The following ACCS variants were observed in gnomAD, a reference collection of about 807,000 sequenced individuals.
ACCS encodes 1-aminocyclopropane-1-carboxylate synthase homolog (inactive).
Under a neutral mutation model 59.8 loss-of-function variants are expected in ACCS, and 42 were observed. The observed-to-expected ratio is 0.70, with a 90% CI of 0.55 to 0.91. The LOEUF (loss-of-function observed/expected upper bound fraction) is 0.91. ACCS is among the 40% of genes least tolerant of loss of function. The pLI, the probability that ACCS is intolerant of heterozygous loss-of-function variation, is 0.00. For missense variants in ACCS, 602 were observed against 630.4 expected, an observed-to-expected ratio of 0.95 and a Z score of 0.48; for synonymous variants, 230 against 240.3, an observed-to-expected ratio of 0.96 and a Z score of 0.40.
chr11:44,080,851 C>T (rs891130441), intron 10 of ACCS, 169 bp from the exon 11 acceptor site: 1 of 763,334 alleles, frequency 1.3e-6, no homozygotes, highest in Non-Finnish European at 2.1e-6. Flanking sequence ...CATTTGCTAA[C>T]CCCTGCTCTA....
At chr11:44,068,010 T>C (rs575554327) in intron 2 of ACCS, 95 bp downstream of exon 2, 73 of 1,386,406 alleles carry the variant, frequency 5.3e-5, no homozygotes, top group South Asian at 3.0e-5. Flanking sequence ...CCTGCTCTTA[T>C]GAGGTTGGAG....
Position 44,083,766 on chromosome 11 carries a change from C to G in ACCS, c.1480C>G (p.Gln494Glu). The G allele has an allele frequency of 6.2e-7, 1 of 1,613,636 alleles. No homozygotes were observed. Among genetic ancestry groups the G allele is most frequent in the Non-Finnish European group, 8.5e-7 (1 of 1,179,760 alleles). Residue 494 changes from glutamine to glutamate, a missense_variant, in exon 15 of 15, where the codon CAG becomes GAG. Physicochemically the swap from Gln to Glu is conservative, Grantham distance 29. Coordinates refer to ENST00000263776, the MANE Select transcript of ACCS (RefSeq NM_032592.4). ...AGAAGACCCCCGTCCCTCTCAGAGC[C>G]AGGAGCCAAGTGACCAACGCAGGTG... is the stretch of plus-strand genomic sequence containing the variant. ...VAEDPRPSQSQEPSDQRR is the reference protein window; with the variant it reads ...VAEDPRPSQSEEPSDQRR
chr11:44,073,449 G>A lies in ACCS; in HGVS notation c.351G>A (p.Leu117=). 6.2e-7 allele frequency: 1 copy of A among 1,606,478 alleles called. No homozygotes were observed. The highest frequency in any genetic ancestry group is 8.5e-7 in the Non-Finnish European group (1 of 1,177,004). The change falls in exon 4 of 15, where the codon CTG becomes CTA. Residue 117 remains leucine, a splice_region_variant and synonymous_variant. Transcript: ENST00000263776. ...KLCFDLLSWR[L]SQRDMQRVEP... ...TGCTCTTCCCTCTCTGTCCCCAGCT[G>A]AGTCAGCGCGACATGCAGAGGGTGG...
intron 8 of ACCS, 80 bp from the exon 9 acceptor site, chr11:44,078,604 C>T: frequency 7.9e-7 from 1 of 1,268,942 alleles, no homozygotes; most frequent in South Asian, 1.3e-5. Context: ...GGGAGCCTTC[C>T]AGCGATCAGC....
At chr11:44,077,197 G>T in intron 6 of ACCS, 82 bp from the exon 7 acceptor site, 1 of 1,455,476 alleles carries the variant, frequency 6.9e-7, no homozygotes, top group South Asian at 1.3e-5. Context: ...TAAAGGCTTG[G>T]AGAGGGACTG....
rs1953604673 is a variant in ACCS at position 44,080,840 on chromosome 11, T to A, written c.924-180T>A. 9 of 691,490 alleles carry A rather than the reference T, an allele frequency of 1.3e-5. No homozygotes were observed. In the East Asian group the frequency reaches 2.2e-4, roughly 17 times the overall value. 42.8% of individuals were successfully genotyped at this position (691,490 alleles called of 1,614,324 possible). A position where few individuals can be genotyped will look rare whatever the true frequency, so the allele number is the denominator to read the frequency against. ...CAGGCTATGTTTGGCCCGCGGGCTGTCATTTGCTAACCCCTGCTCTAAAGG... is the reference window on the plus strand; with the variant it reads ...CAGGCTATGTTTGGCCCGCGGGCTGACATTTGCTAACCCCTGCTCTAAAGG... On this transcript the variant is annotated intron_variant, in intron 10 of 14. Coordinates refer to ENST00000263776, the MANE Select transcript of ACCS (RefSeq NM_032592.4).
rs1438586474 is a variant in ACCS, at chr11:44,066,471, G to T, written c.-231G>T. 6.6e-6 allele frequency: 1 copy of T among 152,338 alleles called. No individual in the cohort carries two copies. Among genetic ancestry groups the T allele is most frequent in the East Asian group, 1.9e-4 (1 of 5,198 alleles). 9.4% of individuals were successfully genotyped at this position (152,338 alleles called of 1,614,324 possible). The stretch of plus-strand genomic sequence containing the variant: ...AACCTGGAGCCGTCTCTCGCGAGAC[G>T]TCCTCCGCCCTGTAGAAGGCCGTTT... On this transcript the variant is annotated 5_prime_UTR_variant, in exon 1 of 15. Coordinates refer to ENST00000263776, the MANE Select transcript of ACCS (RefSeq NM_032592.4).
rs142730357 is a variant in ACCS, at chr11:44,083,121, T to C, written c.1112-48T>C. 6.7e-3 allele frequency: 10,693 copies of C among 1,595,526 alleles called. 101 individuals carry two copies. The highest frequency in any genetic ancestry group is 0.041 in the East Asian group (1,830 of 44,106). On this transcript the variant is annotated intron_variant, in intron 12 of 14. Transcript: ENST00000263776. ...CAGCATTTAGACTAGTGGGACCAAG[T>C]AGAGGGTTGATGGGATATTGATCTT...
intron 2 of ACCS, among the ~76,000 whole-genome samples, chr11:44,068,778 C>A (rs1952908308): frequency 4.6e-5 from 7 of 152,184 alleles, no homozygotes; most frequent in Admixed American, 4.6e-4. Flanking sequence ...CTCATAATGC[C>A]TTCAGAAGTC....
chr11:44,075,694 C>G, intron 6 of ACCS, 102 bp downstream of exon 6: 2 of 1,382,048 alleles, frequency 1.4e-6, no homozygotes, highest in Non-Finnish European at 2.0e-6. Context: ...CTTTCGGGCA[C>G]AATAGAATAT....
Position 44,079,423 on chromosome 11 carries a change from G to A in ACCS, c.834-108G>A, listed in dbSNP as rs565107937. 115 of 855,520 alleles carry A rather than the reference G, an allele frequency of 1.3e-4. 2 individuals are homozygous for A. The highest frequency in any genetic ancestry group is 1.3e-3 in the South Asian group (80 of 60,036). 53.0% of individuals were successfully genotyped at this position (855,520 alleles called of 1,614,324 possible). On this transcript the variant is annotated intron_variant, in intron 9 of 14. Coordinates refer to ENST00000263776, the MANE Select transcript of ACCS (RefSeq NM_032592.4). ...TTGGAAAAACAAGTTTGGTAACCCC[G>A]GGCTAGACCCCGGCCCCTCTGGATT...
At chr11:44,074,281 CA>C (rs1953203232) in intron 4 of ACCS, among the ~76,000 whole-genome samples, 1 of 152,042 alleles carries the variant, frequency 6.6e-6, no homozygotes, top group South Asian at 2.1e-4. Context: ...GGTAAATGCT[CA>C]AAAAATATGA....
intron 2 of ACCS, among the ~76,000 whole-genome samples, chr11:44,070,269 G>A (rs914088323): frequency 5.9e-5 from 9 of 152,126 alleles, no homozygotes; most frequent in African/African-American, 2.2e-4. Context: ...TGACTTGGCA[G>A]GTGAGACAGT....
At chr11:44,077,999 A>G in intron 8 of ACCS, 77 bp downstream of exon 8, 1 of 1,521,336 alleles carries the variant, frequency 6.6e-7, no homozygotes, top group Non-Finnish European at 8.9e-7. Flanking sequence ...CTTGTGACTG[A>G]TCTCCTCCCG....
intron 2 of ACCS, among the ~76,000 whole-genome samples, chr11:44,070,995 CAGA>C (rs1008161980): frequency 6.6e-6 from 1 of 152,112 alleles, no homozygotes; most frequent in Non-Finnish European, 1.5e-5. Context: ...CTATGGGATC[CAGA>C]AGAATGTATC....
intron 1 of ACCS, 52 bp from the exon 2 acceptor site, chr11:44,067,576 T>C: frequency 6.5e-7 from 1 of 1,530,730 alleles, no homozygotes. Context: ...TTTCTGATGC[T>C]TGGTGCTATG....
chr11:44,075,671 CT>C, intron 6 of ACCS, 79 bp downstream of exon 6: 1 of 1,523,274 alleles, frequency 6.6e-7, no homozygotes, highest in Non-Finnish European at 9.0e-7. Flanking sequence ...GCCTCAAGGG[CT>C]GCAATAGTAT....
chr11:44,070,389 G>T (rs1325743333), intron 2 of ACCS, among the ~76,000 whole-genome samples: 2 of 152,144 alleles, frequency 1.3e-5, no homozygotes, highest in African/African-American at 4.8e-5. Context: ...CTGTGCATGT[G>T]TTTTGAAGGT....
At chr11:44,073,578 A>C (rs1277070692) in intron 4 of ACCS, 61 bp downstream of exon 4, 1 of 1,521,710 alleles carries the variant, frequency 6.6e-7, no homozygotes, top group Non-Finnish European at 8.9e-7. Flanking sequence ...GTTGGGAGAC[A>C]TTTTTGGTTG....
Sources: gnomAD v4.1 joint callset for allele counts (sites outside exome capture counted in the v4.1 genomes callset) on GRCh38, gnomAD v4.1.1 for gene constraint, MANE v1.5 for transcripts, NCBI Gene and HGNC (gene_info 2026-07-23, HGNC 2026-07-21) for gene names.